Variants in MFSD6 observed in about 807,000 individuals in gnomAD.
The protein encoded by MFSD6 is major facilitator superfamily domain containing 6.
MFSD6 carries 26 observed loss-of-function variants against 56.3 expected under a neutral mutation model. That is an observed-to-expected ratio of 0.46 (90% CI 0.34 to 0.64). The LOEUF (loss-of-function observed/expected upper bound fraction) is 0.64. Among genes scored for constraint, MFSD6 ranks in the 30% least tolerant of loss-of-function variants. The pLI is 0.01. For missense variants in MFSD6, 750 were observed against 986.2 expected (o/e 0.76, Z 3.21); for synonymous variants, 331 against 366.9 (o/e 0.90, Z 1.12).
At chr2:190,429,625 A>C (rs1054645256) in intron 2 of MFSD6, among the ~76,000 whole-genome samples, 1 of 152,106 alleles carries the variant, frequency 6.6e-6, no homozygotes, top group African/African-American at 2.4e-5. Flanking sequence ...AGAAATTCTT[A>C]ATTTTAATGT....
Position 190,417,465 on chromosome 2 carries a change from T to G in MFSD6, c.-54+2052T>G, listed in dbSNP as rs373951606. Among the ~76,000 whole-genome samples the G allele has an allele frequency of 3.7e-3, 570 of 152,332 alleles. 4 individuals carry two copies. Among genetic ancestry groups the G allele is most frequent in the Admixed American group, 5.9e-3 (91 of 15,308 alleles). On this transcript the variant is annotated intron_variant, in intron 2 of 7. Coordinates refer to ENST00000392328, the MANE Select transcript of MFSD6 (RefSeq NM_017694.4). The surrounding 1 kb of genome is among the most constrained non-coding windows in gnomAD (Gnocchi z 5.7). Reference sequence around the variant, plus strand: ...TGTTGTGATTGTGTGTGCCCCCGTCTTCTTCTCGCCTCTGGGTGTCATGAC... The same window carrying G: ...TGTTGTGATTGTGTGTGCCCCCGTCGTCTTCTCGCCTCTGGGTGTCATGAC...
rs147470027 is a variant in MFSD6, at chr2:190,469,254, C to CT, written c.1533-503dup. On this transcript the variant is annotated intron_variant, in intron 3 of 7. Transcript: ENST00000392328. The surrounding 1 kb of genome is among the most constrained non-coding windows in gnomAD (Gnocchi z 5.3). ...GATAGTTTTCAATGACCTTCAGAGT[C>CT]TCCTTGTGAAACTGCTTGGTATCTT... is the stretch of plus-strand genomic sequence containing the variant. Among the ~76,000 whole-genome samples, 1,903 of 152,272 alleles carry CT rather than the reference C, an allele frequency of 0.012. 17 individuals carry two copies. Among genetic ancestry groups the CT allele is most frequent in the Non-Finnish European group, 0.02 (1,339 of 68,020 alleles).
chr2:190,497,439 A>G lies in MFSD6; in HGVS notation c.1892A>G (p.Asp631Gly), dbSNP rs1177194361. ...AGTTTAAACATTCTTTTCTCTCCAG[A>G]CAAGACAATGTTGGCAGAAAGAATT... ...QWLAVPDEEE[D>G]KTMLAERIPV... The change falls in exon 7 of 8, where the codon GAC becomes GGC. Residue 631 changes from aspartate to glycine, a missense_variant and splice_region_variant. Transcript: ENST00000392328. The surrounding 1 kb of genome is among the most constrained non-coding windows in gnomAD (Gnocchi z 5.2). The G allele has an allele frequency of 6.2e-7, 1 of 1,613,060 alleles. No homozygotes were observed. Among genetic ancestry groups the G allele is most frequent in the East Asian group, 2.2e-5 (1 of 44,868 alleles).
Position 190,458,744 on chromosome 2 carries a change from A to C in MFSD6, c.1533-11014A>C, listed in dbSNP as rs1687170740. ...TCCTTACCCAGAGAAGCTTAAGTAA[A>C]ATGGGGACTGTATTGTCCAATTGAG... On this transcript the variant is annotated intron_variant, in intron 3 of 7. Coordinates refer to ENST00000392328, the MANE Select transcript of MFSD6 (RefSeq NM_017694.4). The surrounding 1 kb of genome is among the most constrained non-coding windows in gnomAD (Gnocchi z 5.3). 6.6e-6 allele frequency among the ~76,000 whole-genome samples: 1 copy of C among 152,188 alleles called. No homozygotes were observed. The highest frequency in any genetic ancestry group is 1.5e-5 in the Non-Finnish European group (1 of 68,038).
chr2:190,483,236 T>A (rs1001448162), intron 4 of MFSD6, among the ~76,000 whole-genome samples: 1 of 152,092 alleles, frequency 6.6e-6, no homozygotes, highest in Non-Finnish European at 1.5e-5. Flanking sequence ...ATGTTTGATA[T>A]TAACAACAAA....
rs1685742053 is a variant in MFSD6 at position 190,424,959 on chromosome 2, C to T, written c.-54+9546C>T. On this transcript the variant is annotated intron_variant, in intron 2 of 7. Coordinates refer to ENST00000392328, the MANE Select transcript of MFSD6 (RefSeq NM_017694.4). The surrounding 1 kb of genome is among the most constrained non-coding windows in gnomAD (Gnocchi z 5.9). The stretch of plus-strand genomic sequence containing the variant: ...AGATTTTGATAGGAGTTGTGTTAAA[C>T]CTGTATATCAATTTGAGGAGAATTG... 6.6e-6 allele frequency among the ~76,000 whole-genome samples: 1 copy of T among 152,142 alleles called. No homozygotes were observed. Among genetic ancestry groups the T allele is most frequent in the Non-Finnish European group, 1.5e-5 (1 of 68,026 alleles).
chr2:190,495,636 G>C lies in MFSD6; in HGVS notation c.1892-1803G>C, dbSNP rs1046500905. ...TAGTCACCAAAACAGCATGGTACTGGTATAAAAACTGGCCCATGGACCAAT... is the reference window on the plus strand; with the variant it reads ...TAGTCACCAAAACAGCATGGTACTGCTATAAAAACTGGCCCATGGACCAAT... On this transcript the variant is annotated intron_variant, in intron 6 of 7. Transcript: ENST00000392328. This position sits in a 1 kb window ranked among gnomAD's most constrained non-coding sequence, Gnocchi z 4.7. Among the ~76,000 whole-genome samples, 10 of 152,250 alleles carry C rather than the reference G, an allele frequency of 6.6e-5. No homozygotes were observed. The highest frequency in any genetic ancestry group is 7.4e-5 in the Non-Finnish European group (5 of 68,004).
At position 190,413,136 on chromosome 2, in the gene MFSD6, A is replaced by G. The variant is rs1239819666; in HGVS notation, c.-175-2156A>G. 1.3e-5 allele frequency among the ~76,000 whole-genome samples: 2 copies of G among 152,214 alleles called. No individual in the cohort carries two copies. The highest frequency in any genetic ancestry group is 2.9e-5 in the Non-Finnish European group (2 of 68,042). ...AACAAAAACTACATCCCAATGTTGT[A>G]TGTATTCAAAGTAGCCTCTCCCTGC... On this transcript the variant is annotated intron_variant, in intron 1 of 7. Transcript: ENST00000392328. The surrounding 1 kb of genome is among the most constrained non-coding windows in gnomAD (Gnocchi z 4.1).
rs750196574 is a variant in MFSD6 at position 190,489,759 on chromosome 2, T to C, written c.1793-9T>C. 2 of 1,613,258 alleles carry C rather than the reference T, an allele frequency of 1.2e-6. No homozygotes were observed. Among genetic ancestry groups the C allele is most frequent in the South Asian group, 2.2e-5 (2 of 90,924 alleles). On this transcript the variant is annotated splice_polypyrimidine_tract_variant and intron_variant, in intron 5 of 7. Coordinates refer to ENST00000392328, the MANE Select transcript of MFSD6 (RefSeq NM_017694.4). The surrounding 1 kb of genome is among the most constrained non-coding windows in gnomAD (Gnocchi z 6.6). ...GAATTACTCTATAGAGTGCTGTTTG[T>C]TTTTATAGGGGCTGCTGCAACCTTC...
intron 3 of MFSD6, among the ~76,000 whole-genome samples, chr2:190,440,100 A>G (rs895390379): frequency 4.6e-5 from 7 of 152,216 alleles, no homozygotes; most frequent in Non-Finnish European, 1.0e-4. Flanking sequence ...TTATTTCAGT[A>G]CTTTGTGGTT....
At chr2:190,453,887 A>G (rs1412316267) in intron 3 of MFSD6, among the ~76,000 whole-genome samples, 1 of 152,194 alleles carries the variant, frequency 6.6e-6, no homozygotes, top group East Asian at 1.9e-4. Flanking sequence ...AAACAAATCA[A>G]TTATTATCAT....
chr2:190,411,782 A>G, intron 1 of MFSD6: 1 of 985,402 alleles, frequency 1.0e-6, no homozygotes, highest in Non-Finnish European at 1.2e-6. Flanking sequence ...ACTTTTTCTA[A>G]TAGTAACTGT....
intron 4 of MFSD6, among the ~76,000 whole-genome samples, chr2:190,476,744 C>T (rs192008626): frequency 6.6e-6 from 1 of 152,088 alleles, no homozygotes; most frequent in Non-Finnish European, 1.5e-5. Context: ...GCTATAAAGA[C>T]ACATGCACAC....
chr2:190,416,704 C>T lies in MFSD6; in HGVS notation c.-54+1291C>T, dbSNP rs893940222. ...TCTGGAATAAAACTACAACTACCAG[C>T]AACACCAAATGTTCATATGTTGCTT... On this transcript the variant is annotated intron_variant, in intron 2 of 7. Transcript: ENST00000392328. The surrounding 1 kb of genome is among the most constrained non-coding windows in gnomAD (Gnocchi z 4.1). Among the ~76,000 whole-genome samples the T allele has an allele frequency of 6.6e-6, 1 of 152,194 alleles. No homozygotes were observed. Among genetic ancestry groups the T allele is most frequent in the Admixed American group, 6.5e-5 (1 of 15,270 alleles).
chr2:190,453,302 G>T (rs985278297), intron 3 of MFSD6, among the ~76,000 whole-genome samples: 4 of 152,102 alleles, frequency 2.6e-5, no homozygotes, highest in Admixed American at 6.6e-5. Context: ...CTGGGTAGGG[G>T]AAGAGGATCC....
rs922398047 is a variant in MFSD6, at chr2:190,433,303, G to A, written c.-53-2674G>A. Reference sequence around the variant, plus strand: ...AAATTAATTTAGAAAATAGATTTGAGGGCAAATTATTTTTTCTTTTCAGAT... The same window carrying A: ...AAATTAATTTAGAAAATAGATTTGAAGGCAAATTATTTTTTCTTTTCAGAT... On this transcript the variant is annotated intron_variant, in intron 2 of 7. Coordinates refer to ENST00000392328, the MANE Select transcript of MFSD6 (RefSeq NM_017694.4). This position sits in a 1 kb window ranked among gnomAD's most constrained non-coding sequence, Gnocchi z 4.5. 1 of 152,126 alleles carries A rather than the reference G, an allele frequency of 6.6e-6. No individual in the cohort carries two copies. The highest frequency in any genetic ancestry group is 1.5e-5 in the Non-Finnish European group (1 of 68,028). 9.4% of individuals were successfully genotyped at this position (152,126 alleles called of 1,614,324 possible). A position where few individuals can be genotyped will look rare whatever the true frequency, so the allele number is the denominator to read the frequency against.
At chr2:190,422,232 A>G (rs1685644180) in intron 2 of MFSD6, among the ~76,000 whole-genome samples, 1 of 152,186 alleles carries the variant, frequency 6.6e-6, no homozygotes, top group African/African-American at 2.4e-5. Flanking sequence ...GTGTATTGGT[A>G]TTCTACCAGT....
chr2:190,467,747 A>G lies in MFSD6; in HGVS notation c.1533-2011A>G, dbSNP rs997689396. Reference sequence around the variant, plus strand: ...TAGTTTCTACATGTTTAAATGGTTGAAAAAAAACACAAGAAGAATAAGATT... The same window carrying G: ...TAGTTTCTACATGTTTAAATGGTTGGAAAAAAACACAAGAAGAATAAGATT... On this transcript the variant is annotated intron_variant, in intron 3 of 7. Transcript: ENST00000392328. The surrounding 1 kb of genome is among the most constrained non-coding windows in gnomAD (Gnocchi z 5.5). Among the ~76,000 whole-genome samples the G allele has an allele frequency of 3.3e-5, 5 of 151,410 alleles. No individual in the cohort carries two copies. Among genetic ancestry groups the G allele is most frequent in the Admixed American group, 2.6e-4 (4 of 15,266 alleles).
intron 3 of MFSD6, among the ~76,000 whole-genome samples, chr2:190,440,952 A>C (rs963016629): frequency 9.9e-5 from 15 of 152,220 alleles, no homozygotes; most frequent in African/African-American, 3.1e-4. Context: ...GGGCTTCAGC[A>C]CAGCCAAGGA....
Sources: allele counts gnomAD v4.1 joint callset (sites outside exome capture counted in the v4.1 genomes callset), GRCh38; gene constraint gnomAD v4.1.1; non-coding constraint Gnocchi (gnomAD v3.1); transcripts MANE v1.5; gene names NCBI Gene and HGNC (gene_info 2026-07-23, HGNC 2026-07-21).